Variants in SNX29 observed in about 807,000 individuals in gnomAD.
SNX29 encodes the protein sorting nexin-29.
Under a neutral mutation model 102.1 loss-of-function variants are expected in SNX29, and 78 were observed. The ratio of observed to expected loss-of-function variants is 0.76; its 90% CI spans 0.64 to 0.92. The LOEUF is 0.92. Among genes scored for constraint, SNX29 ranks in the 40% least tolerant of loss-of-function variants. The pLI is 0.00. For missense variants in SNX29, 1,280 were observed against 1,061.7 expected (o/e 1.21, Z -2.86); for synonymous variants, 580 against 414.5 (o/e 1.40, Z -4.85).
chr16:12,568,269 C>G (rs1438048169), intron 20 of SNX29, among the ~76,000 whole-genome samples: 26 of 148,394 alleles, frequency 1.8e-4, no homozygotes, highest in Non-Finnish European at 1.5e-4. Flanking sequence ...AGCTCAGACT[C>G]ACAGCCAAGC....
chr16:12,563,739 T>G (rs1413341200), intron 20 of SNX29, among the ~76,000 whole-genome samples: 1 of 152,198 alleles, frequency 6.6e-6, no homozygotes, highest in Non-Finnish European at 1.5e-5. Flanking sequence ...CTGTCATTCT[T>G]TACCCAACAG....
intron 16 of SNX29, among the ~76,000 whole-genome samples, chr16:12,363,836 T>A (rs1245909462): frequency 2.0e-5 from 3 of 152,238 alleles, no homozygotes; most frequent in African/African-American, 7.2e-5. Flanking sequence ...ATATTTGCAT[T>A]ATACTTGTGG....
intron 19 of SNX29, among the ~76,000 whole-genome samples, chr16:12,516,710 A>G (rs2089882083): frequency 1.3e-5 from 2 of 152,188 alleles, no homozygotes; most frequent in Admixed American, 1.3e-4. Context: ...TGATGAAAAG[A>G]AAAAGAACTT....
At chr16:12,428,829 C>G (rs531656787) in intron 18 of SNX29, among the ~76,000 whole-genome samples, 73 of 152,188 alleles carry the variant, frequency 4.8e-4, no homozygotes, top group African/African-American at 1.5e-3. Flanking sequence ...AATTCCAACA[C>G]ATAATATATG....
At chr16:12,175,287 C>G (rs967076520) in intron 13 of SNX29, among the ~76,000 whole-genome samples, 4 of 152,074 alleles carry the variant, frequency 2.6e-5, no homozygotes, top group African/African-American at 9.7e-5. Flanking sequence ...GCCCTAACTC[C>G]CAATGTGATT....
intron 20 of SNX29, among the ~76,000 whole-genome samples, chr16:12,548,787 T>G (rs2077773831): frequency 6.6e-6 from 1 of 152,232 alleles, no homozygotes; most frequent in Non-Finnish European, 1.5e-5. Flanking sequence ...ACCACAGTGC[T>G]GGGTCATAGC....
rs1450091468 is a variant in SNX29 at position 12,570,307 on chromosome 16, G to C, written c.*1678G>C. ...CAGTTTGCGAGTGTGGAGGACCCGA[G>C]ACATCCTGTAAAGGCAACTTGGTCT... On this transcript the variant is annotated 3_prime_UTR_variant, in exon 21 of 21. Transcript: ENST00000566228. The C allele has an allele frequency of 1.9e-6, 2 of 1,033,578 alleles. No individual in the cohort carries two copies. The highest frequency in any genetic ancestry group is 3.3e-5 in the African/African-American group (2 of 60,478). The allele number at this position is 1,033,578 out of a possible 1,614,324, so 64.0% of individuals were successfully genotyped here. A position where few individuals can be genotyped will look rare whatever the true frequency, so the allele number is the denominator to read the frequency against.
intron 14 of SNX29, among the ~76,000 whole-genome samples, chr16:12,220,658 G>C (rs2077452769): frequency 6.6e-6 from 1 of 152,138 alleles, no homozygotes; most frequent in Admixed American, 6.5e-5. Context: ...GTTACTTTTA[G>C]GCACCTAAAA....
intron 20 of SNX29, among the ~76,000 whole-genome samples, chr16:12,560,542 G>A (rs1026892215): frequency 1.3e-5 from 2 of 152,034 alleles, no homozygotes; most frequent in African/African-American, 4.8e-5. Flanking sequence ...TTCTATTTCT[G>A]GTTGAAACGT....
At chr16:12,136,830 C>T (rs1321399176) in intron 13 of SNX29, among the ~76,000 whole-genome samples, 3 of 152,196 alleles carry the variant, frequency 2.0e-5, no homozygotes, top group African/African-American at 7.2e-5. Flanking sequence ...ACCTCCACCT[C>T]CTGGGTTCAA....
At chr16:12,018,234 C>G (rs2056908165) in intron 3 of SNX29, among the ~76,000 whole-genome samples, 1 of 152,072 alleles carries the variant, frequency 6.6e-6, no homozygotes, top group African/African-American at 2.4e-5. Flanking sequence ...TGCCGTTTAA[C>G]AAAATTTTAT....
intron 13 of SNX29, among the ~76,000 whole-genome samples, chr16:12,198,395 C>T (rs1449747437): frequency 6.7e-6 from 1 of 148,630 alleles, no homozygotes; most frequent in Non-Finnish European, 1.5e-5. Flanking sequence ...GTATTGGGGT[C>T]TTACCATGTT....
At chr16:12,121,566 G>C (rs2053973771) in intron 11 of SNX29, among the ~76,000 whole-genome samples, 1 of 152,226 alleles carries the variant, frequency 6.6e-6, no homozygotes, top group Non-Finnish European at 1.5e-5. Context: ...CTCTGTAGTA[G>C]CGCTTGACAT....
At chr16:12,246,260 T>A (rs937185962) in intron 14 of SNX29, among the ~76,000 whole-genome samples, 1 of 152,044 alleles carries the variant, frequency 6.6e-6, no homozygotes. Flanking sequence ...CAGCTCATAA[T>A]TTTCTCCTCC....
At chr16:12,499,922 C>T (rs1403197593) in intron 19 of SNX29, among the ~76,000 whole-genome samples, 1 of 152,158 alleles carries the variant, frequency 6.6e-6, no homozygotes, top group Non-Finnish European at 1.5e-5. Flanking sequence ...AGGGATCCAC[C>T]TGCCTCAGTC....
chr16:12,134,274 T>C (rs914825292), intron 13 of SNX29, among the ~76,000 whole-genome samples: 4 of 152,226 alleles, frequency 2.6e-5, no homozygotes, highest in Non-Finnish European at 4.4e-5. Flanking sequence ...GCTCTTGCTG[T>C]GTAACAAATT....
In SNX29 at chr16:12,561,699, C is replaced by G. The variant is rs927152399; in HGVS notation, c.2319-6807C>G. Reference sequence around the variant, plus strand: ...CACACACAGACCCCCTTTTCCCCAACTCCCCAGTGCTGTGTTAAGTTGCTA... The same window carrying G: ...CACACACAGACCCCCTTTTCCCCAAGTCCCCAGTGCTGTGTTAAGTTGCTA... On this transcript the variant is annotated intron_variant, in intron 20 of 20. Transcript: ENST00000566228. Among the ~76,000 whole-genome samples, 5 of 152,192 alleles carry G rather than the reference C, an allele frequency of 3.3e-5. No homozygotes were observed. In the East Asian group the frequency reaches 7.7e-4, roughly 23 times the overall value.
intron 14 of SNX29, among the ~76,000 whole-genome samples, chr16:12,236,975 CT>C (rs1265885963): frequency 2.0e-5 from 3 of 152,216 alleles, no homozygotes. Flanking sequence ...AGCATGAGGG[CT>C]TTCCTGGAAC....
chr16:12,009,457 A>ATGTG (rs1356805950), intron 3 of SNX29, among the ~76,000 whole-genome samples: 2 of 113,954 alleles, frequency 1.8e-5, no homozygotes, highest in African/African-American at 3.2e-5. Context: ...GTGTGTGTAT[A>ATGTG]TATGTGTGTG....
Sources: gnomAD v4.1 joint callset for allele counts (sites outside exome capture counted in the v4.1 genomes callset) on GRCh38, gnomAD v4.1.1 for gene constraint, MANE v1.5 for transcripts, NCBI Gene and HGNC (gene_info 2026-07-23, HGNC 2026-07-21) for gene names.